DNER: variants seen among roughly 807,000 people sequenced by gnomAD.
The protein encoded by DNER is delta and Notch-like epidermal growth factor-related receptor.
Under a neutral mutation model 78.2 loss-of-function variants are expected in DNER, and 33 were observed. The observed-to-expected ratio is 0.42, with a 90% confidence interval of 0.32 to 0.56. The LOEUF (loss-of-function observed/expected upper bound fraction) is 0.56. Ranked by LOEUF, DNER falls within the 20% of genes least tolerant of loss-of-function variation. DNER has a pLI of 0.11. For synonymous variants in DNER, 417 were observed against 384.8 expected, an observed-to-expected ratio of 1.08 and a Z score of -0.98; for missense variants, 918 against 975.3, an observed-to-expected ratio of 0.94 and a Z score of 0.78.
intron 5 of DNER, among the ~76,000 whole-genome samples, chr2:229,521,303 T>C (rs971013987): frequency 1.3e-5 from 2 of 152,202 alleles, no homozygotes; most frequent in Admixed American, 6.5e-5. Flanking sequence ...AGACAGTGTG[T>C]CCTGGCCGAC....
chr2:229,646,800 T>C (rs894243162), intron 1 of DNER, among the ~76,000 whole-genome samples: 4 of 152,256 alleles, frequency 2.6e-5, no homozygotes, highest in South Asian at 2.1e-4. Context: ...GGAACTTACA[T>C]GCAGGAGGCC....
At chr2:229,380,007 A>T (rs1692699050) in intron 11 of DNER, among the ~76,000 whole-genome samples, 1 of 152,236 alleles carries the variant, frequency 6.6e-6, no homozygotes, top group African/African-American at 2.4e-5. Flanking sequence ...GAGGCCTATA[A>T]CAATTACACA....
intron 5 of DNER, among the ~76,000 whole-genome samples, chr2:229,544,589 A>G (rs71355930): frequency 0.019 from 2,883 of 149,832 alleles, 51 homozygotes; most frequent in Non-Finnish European, 0.031. Context: ...CTGGAGGCCA[A>G]TGGCACAATC....
At chr2:229,392,553 C>CGT (rs1222904141) in intron 10 of DNER, among the ~76,000 whole-genome samples, 3 of 152,020 alleles carry the variant, frequency 2.0e-5, no homozygotes, top group Non-Finnish European at 2.9e-5. Context: ...TTGCTGAAGA[C>CGT]GTGTGTGTGT....
intron 1 of DNER, among the ~76,000 whole-genome samples, chr2:229,599,869 T>G (rs574030894): frequency 5.6e-4 from 85 of 152,308 alleles, no homozygotes; most frequent in African/African-American, 2.0e-3. Context: ...TAAAATGTTA[T>G]GTATTTATTT....
rs140689689 is a variant in DNER, at chr2:229,405,355, C to T, written c.1723+1877G>A. Among the ~76,000 whole-genome samples the T allele has an allele frequency of 1.8e-3, 271 of 152,088 alleles. 3 individuals carry two copies. The highest frequency in any genetic ancestry group is 7.7e-3 in the South Asian group (37 of 4,814). On this transcript the variant is annotated intron_variant, in intron 10 of 12. Coordinates refer to ENST00000341772, the MANE Select transcript of DNER (RefSeq NM_139072.4). ...TTTTTCTCCTCTTAGAGAGTAATGT[C>T]GAAATATGTATGTATTCTCCTGTAC...
Position 229,630,578 on chromosome 2 carries a change from C to T in DNER, c.277-38690G>A, listed in dbSNP as rs188417487. Among the ~76,000 whole-genome samples the T allele has an allele frequency of 1.9e-3, 290 of 151,598 alleles. 3 individuals carry two copies. The highest frequency in any genetic ancestry group is 6.8e-3 in the African/African-American group (280 of 41,368). ...TCATTTACCCATGGCACAGGGATCG[C>T]AAGCTAATATATATATTTGGACAGA... On this transcript the variant is annotated intron_variant, in intron 1 of 12. Transcript: ENST00000341772.
chr2:229,540,220 G>A (rs1363269973), intron 5 of DNER, among the ~76,000 whole-genome samples: 1 of 152,094 alleles, frequency 6.6e-6, no homozygotes. Context: ...GTAAGTGGTA[G>A]AGACTCAGGG....
chr2:229,624,902 G>A (rs1253608887), intron 1 of DNER, among the ~76,000 whole-genome samples: 1 of 152,126 alleles, frequency 6.6e-6, no homozygotes, highest in Non-Finnish European at 1.5e-5. Context: ...TGGACTCTGG[G>A]ACTCCAATTT....
chr2:229,419,421 A>C (rs569080160), intron 8 of DNER, among the ~76,000 whole-genome samples: 2 of 152,228 alleles, frequency 1.3e-5, no homozygotes, highest in African/African-American at 4.8e-5. Flanking sequence ...AGATAAGCAG[A>C]AAAAATAAGC....
chr2:229,358,001 A>G lies in DNER; in HGVS notation c.*539T>C, dbSNP rs1230052039. ...ATGTTTCCACAAAGTTCAACAAAAC[A>G]GTGCAGAAATAAGTTACTTACCCAT... is the stretch of plus-strand genomic sequence containing the variant. On this transcript the variant is annotated 3_prime_UTR_variant, in exon 13 of 13. Coordinates refer to ENST00000341772, the MANE Select transcript of DNER (RefSeq NM_139072.4). The G allele has an allele frequency of 6.5e-6, 1 of 152,688 alleles. No individual in the cohort carries two copies. The highest frequency in any genetic ancestry group is 6.5e-5 in the Admixed American group (1 of 15,284). 9.5% of individuals were successfully genotyped at this position (152,688 alleles called of 1,614,324 possible). A position where few individuals can be genotyped will look rare whatever the true frequency, so the allele number is the denominator to read the frequency against.
intron 4 of DNER, among the ~76,000 whole-genome samples, chr2:229,573,162 A>G (rs1376540931): frequency 1.3e-5 from 2 of 152,178 alleles, no homozygotes; most frequent in African/African-American, 2.4e-5. Context: ...ATTTAAGGAG[A>G]TTATCCATTT....
chr2:229,413,094 G>C (rs919594398), intron 9 of DNER, among the ~76,000 whole-genome samples: 3 of 151,906 alleles, frequency 2.0e-5, no homozygotes, highest in African/African-American at 7.3e-5. Flanking sequence ...AGTTTTTCTA[G>C]AAGGGCTTAT....
Position 229,407,258 on chromosome 2 carries a change from G to T in DNER, c.1697C>A (p.Thr566Lys). Reference sequence around the variant, plus strand: ...TGTAAACCCGGGTGCACAGATGCACGTGCCATTCAGGCCGTCGCTGTCACA... The same window carrying T: ...TGTAAACCCGGGTGCACAGATGCACTTGCCATTCAGGCCGTCGCTGTCACA... ...ATCDSDGLNG[T>K]CICAPGFTGE... Residue 566 changes from threonine to lysine, a missense_variant, in exon 10 of 13, where the codon ACG (threonine) becomes AAG (lysine). By Grantham distance (78) the Thr-to-Lys change is moderately conservative. Coordinates refer to ENST00000341772, the MANE Select transcript of DNER (RefSeq NM_139072.4). The T allele has an allele frequency of 6.2e-7, 1 of 1,613,384 alleles. No homozygotes were observed. Among genetic ancestry groups the T allele is most frequent in the Non-Finnish European group, 8.5e-7 (1 of 1,179,388 alleles).
At chr2:229,388,113 G>A in intron 11 of DNER, 152 bp downstream of exon 11, 1 of 1,170,444 alleles carries the variant, frequency 8.5e-7, no homozygotes, top group Admixed American at 2.7e-5. Context: ...TGGGGCAAGT[G>A]TAGCTCCGGT....
rs185884109 is a variant in DNER, at chr2:229,657,365, C to T, written c.276+56783G>A. The stretch of plus-strand genomic sequence containing the variant: ...AATATTCCAATGTATATAGATACCA[C>T]ATTTTCTTTATCCATTCACCTGTCA... On this transcript the variant is annotated intron_variant, in intron 1 of 12. Transcript: ENST00000341772. 7.1e-4 allele frequency among the ~76,000 whole-genome samples: 108 copies of T among 152,248 alleles called. 1 individual carries two copies. Among genetic ancestry groups the T allele is most frequent in the Non-Finnish European group, 1.3e-3 (87 of 68,022 alleles).
At chr2:229,441,316 G>A (rs1694230326) in intron 8 of DNER, among the ~76,000 whole-genome samples, 1 of 152,016 alleles carries the variant, frequency 6.6e-6, no homozygotes, top group African/African-American at 2.4e-5. Context: ...AATACTTCAA[G>A]CATTTTAATT....
chr2:229,596,990 C>T (rs1181793235), intron 1 of DNER, among the ~76,000 whole-genome samples: 1 of 151,780 alleles, frequency 6.6e-6, no homozygotes, highest in Non-Finnish European at 1.5e-5. Context: ...CACACACATG[C>T]ACACGCACAC....
intron 1 of DNER, among the ~76,000 whole-genome samples, chr2:229,664,365 G>A (rs1371194374): frequency 6.6e-6 from 1 of 152,102 alleles, no homozygotes; most frequent in African/African-American, 2.4e-5. Context: ...AAGGCCAGCT[G>A]GGCACGGTGG....
Sources: allele counts gnomAD v4.1 joint callset (sites outside exome capture counted in the v4.1 genomes callset), GRCh38; gene constraint gnomAD v4.1.1; transcripts MANE v1.5; gene names NCBI Gene and HGNC (gene_info 2026-07-23, HGNC 2026-07-21).